The following NUDC variants were observed in gnomAD, a reference collection of about 807,000 sequenced individuals.
NUDC encodes nuclear migration protein nudC.
A neutral mutation model predicts 45.0 loss-of-function variants in NUDC; 14 were observed. The observed-to-expected ratio is 0.31, with a 90% CI of 0.21 to 0.49. The LOEUF (loss-of-function observed/expected upper bound fraction) is 0.49, where lower values mean the gene tolerates loss of function less well. NUDC is among the 20% of genes least tolerant of loss of function. The probability of loss-of-function intolerance (pLI) is 0.99; values close to 1 mark genes in which losing one functional copy is unlikely to be tolerated. For missense variants in NUDC, 323 were observed against 426.2 expected, an observed-to-expected ratio of 0.76 and a Z score of 2.13; for synonymous variants, 153 against 156.7, an observed-to-expected ratio of 0.98 and a Z score of 0.17.
At chr1:26,900,230 T>A, upstream of NUDC, 1 of 1,614,088 alleles carries the variant, frequency 6.2e-7, no homozygotes, top group Non-Finnish European at 8.5e-7. Context: ...CCTCAGCGGC[T>A]GGGTCGGTAG....
chr1:26,938,316 A>G (rs192771759), intron 2 of NUDC, among the ~76,000 whole-genome samples: 54 of 152,300 alleles, frequency 3.5e-4, no homozygotes, highest in Middle Eastern at 6.8e-3. Context: ...GGAGCTAGGA[A>G]GGAAGTACAA....
rs2082282798 is a variant in NUDC at position 26,942,160 on chromosome 1, T to C, written c.429+342T>C. Among the ~76,000 whole-genome samples, 3 of 152,024 alleles carry C rather than the reference T, an allele frequency of 2.0e-5. No individual in the cohort carries two copies. In the East Asian group the frequency reaches 5.8e-4, roughly 29 times the overall value. On this transcript the variant is annotated intron_variant, in intron 4 of 8. Coordinates refer to ENST00000321265, the MANE Select transcript of NUDC (RefSeq NM_006600.4). ...TACAAAAATTAGCCAGGCATGGTGG[T>C]GGGCGCCCGTAATCCCAGCTACTCG...
chr1:26,928,582 A>G (rs1056489067), intron 2 of NUDC, among the ~76,000 whole-genome samples: 26 of 152,198 alleles, frequency 1.7e-4, no homozygotes, highest in African/African-American at 5.8e-4. Context: ...CTTTAGTCCC[A>G]ACCACTCAGG....
chr1:26,911,465 A>G, intron 3 of NUDC: 1 of 345,256 alleles, frequency 2.9e-6, no homozygotes, highest in Non-Finnish European at 5.7e-6. Flanking sequence ...TTCCATATGC[A>G]CAAATGACAG....
Position 26,921,747 on chromosome 1 carries a change from A to G in NUDC, c.-102A>G, listed in dbSNP as rs2082092084. 1 of 1,274,952 alleles carries G rather than the reference A, an allele frequency of 7.8e-7. No homozygotes were observed. The highest frequency in any genetic ancestry group is 1.1e-6 in the Non-Finnish European group (1 of 903,864). 79.0% of individuals were successfully genotyped at this position (1,274,952 alleles called of 1,614,324 possible). The stretch of plus-strand genomic sequence containing the variant: ...GTGCGTGTTTCCGGCTCCGCTGCGG[A>G]AGGCGGACGACTAGAGTCGTTGGGC... On this transcript the variant is annotated 5_prime_UTR_variant, in exon 1 of 9. Coordinates refer to ENST00000321265, the MANE Select transcript of NUDC (RefSeq NM_006600.4).
At chr1:26,919,683 A>G (rs1346544437), upstream of NUDC, among the ~76,000 whole-genome samples, 4 of 152,200 alleles carry the variant, frequency 2.6e-5, no homozygotes, top group Non-Finnish European at 5.9e-5. Flanking sequence ...CCACCCAGCT[A>G]TATCCCACCA....
intron 2 of NUDC, among the ~76,000 whole-genome samples, chr1:26,940,132 C>T (rs1170771064): frequency 6.6e-6 from 1 of 152,092 alleles, no homozygotes; most frequent in Non-Finnish European, 1.5e-5. Flanking sequence ...CAGGCTCTTC[C>T]TTCAAGAAAG....
At chr1:26,914,471 G>A (rs1339459739) in intron 3 of NUDC, among the ~76,000 whole-genome samples, 1 of 152,148 alleles carries the variant, frequency 6.6e-6, no homozygotes, top group Non-Finnish European at 1.5e-5. Context: ...TTGTCAGCCA[G>A]AAGCAGGCTA....
intron 2 of NUDC, among the ~76,000 whole-genome samples, chr1:26,927,257 G>T (rs1198848567): frequency 1.5e-5 from 2 of 133,302 alleles, no homozygotes. Flanking sequence ...AAGGGAGAGA[G>T]ATGAACCGTG....
At chr1:26,903,658 A>G (rs895221843) in intron 2 of NUDC, among the ~76,000 whole-genome samples, 7 of 152,116 alleles carry the variant, frequency 4.6e-5, no homozygotes, top group Non-Finnish European at 8.8e-5. Flanking sequence ...GCTTGAGGCC[A>G]GGAGTTGGAG....
chr1:26,914,354 C>T (rs1316745295), intron 3 of NUDC, among the ~76,000 whole-genome samples: 3 of 152,226 alleles, frequency 2.0e-5, no homozygotes, highest in African/African-American at 7.2e-5. Flanking sequence ...AGGGCTTTTG[C>T]TAAGCCAGGA....
chr1:26,910,558 A>G (rs2082021395), intron 2 of NUDC, among the ~76,000 whole-genome samples: 1 of 152,206 alleles, frequency 6.6e-6, no homozygotes, highest in Non-Finnish European at 1.5e-5. Context: ...TTATTGAGCA[A>G]TCATTAACTT....
intron 3 of NUDC, chr1:26,911,946 T>A (rs2082029288): frequency 6.2e-7 from 1 of 1,614,032 alleles, no homozygotes; most frequent in African/African-American, 1.3e-5. Flanking sequence ...GGAATGGACT[T>A]GAGGGTGGAG....
chr1:26,914,312 ATTGGTGCCCGCTC>A (rs1385641585), intron 3 of NUDC, among the ~76,000 whole-genome samples: 1 of 152,160 alleles, frequency 6.6e-6, no homozygotes, highest in Non-Finnish European at 1.5e-5. Flanking sequence ...AGGTGTCCCC[ATTGGTGCCCGCTC>A]TTGTGTGCAC....
chr1:26,938,526 C>T (rs547465254), intron 2 of NUDC, among the ~76,000 whole-genome samples: 1 of 152,220 alleles, frequency 6.6e-6, no homozygotes, highest in African/African-American at 2.4e-5. Flanking sequence ...CCTCCCCTAC[C>T]AGTTTAATTT....
At chr1:26,904,270 C>T (rs1369988980) in intron 2 of NUDC, among the ~76,000 whole-genome samples, 1 of 150,368 alleles carries the variant, frequency 6.7e-6, no homozygotes, top group African/African-American at 2.4e-5. Context: ...CGGGTTCAGG[C>T]CATTCTCCTG....
rs984696517 is a variant in NUDC, at chr1:26,900,507, C to T, written c.-101+107C>T. 3 of 1,355,396 alleles carry T rather than the reference C, an allele frequency of 2.2e-6. No homozygotes were observed. The African/African-American group carries it at 4.3e-5, about 20-fold the overall frequency. 84.0% of individuals were successfully genotyped at this position (1,355,396 alleles called of 1,614,324 possible). ...AGAACACCGCGAGCAACGTTCCAGC[C>T]CCTGCGTTGCGAGATTGTGAAAATT... On this transcript the variant is annotated intron_variant, in intron 1 of 6. Coordinates refer to the NUDC transcript ENST00000435827.
chr1:26,931,621 A>C (rs1464116488), intron 2 of NUDC, among the ~76,000 whole-genome samples: 1 of 150,166 alleles, frequency 6.7e-6, no homozygotes, highest in Non-Finnish European at 1.5e-5. Context: ...TCTACTAAAA[A>C]TACAAAAATT....
At chr1:26,903,357 T>G (rs2081988503) in intron 2 of NUDC, among the ~76,000 whole-genome samples, 1 of 152,184 alleles carries the variant, frequency 6.6e-6, no homozygotes, top group Admixed American at 6.5e-5. Flanking sequence ...AGGGAAATGA[T>G]AGATTTAGAA....
Sources: allele counts gnomAD v4.1 joint callset (sites outside exome capture counted in the v4.1 genomes callset), GRCh38; gene constraint gnomAD v4.1.1; transcripts MANE v1.5; gene names NCBI Gene and HGNC (gene_info 2026-07-23, HGNC 2026-07-21).